ABLIM2: variants seen among roughly 807,000 people sequenced by gnomAD.
ABLIM2 encodes actin binding LIM protein family member 2, also known as actin-binding LIM protein 2.
A neutral mutation model predicts 97.7 loss-of-function variants in ABLIM2; 53 were observed. The observed-to-expected ratio is 0.54, with a 90% CI of 0.44 to 0.68. The LOEUF (loss-of-function observed/expected upper bound fraction) is 0.68, where lower values mean the gene tolerates loss of function less well. Ranked by LOEUF, ABLIM2 falls within the 30% of genes least tolerant of loss-of-function variation. The pLI is 0.00. For synonymous variants in ABLIM2, 361 were observed against 345.8 expected (o/e 1.04, Z -0.49); for missense variants, 835 against 867.2 (o/e 0.96, Z 0.47).
intron 1 of ABLIM2, among the ~76,000 whole-genome samples, chr4:8,154,393 T>C (rs571194925): frequency 6.6e-6 from 1 of 150,638 alleles, no homozygotes; most frequent in African/African-American, 2.5e-5. Flanking sequence ...GCGATTCTCC[T>C]GCCTCAGCCT....
Position 8,002,698 on chromosome 4 carries a change from G to A in ABLIM2, c.1618+5361C>T, listed in dbSNP as rs1758040642. On this transcript the variant is annotated intron_variant, in intron 16 of 20. Coordinates refer to ENST00000447017, the MANE Select transcript of ABLIM2 (RefSeq NM_001130083.2). This position sits in a 1 kb window ranked among gnomAD's most constrained non-coding sequence, Gnocchi z 6.1. ...CTCCAGACCTGTCTACAGGCTGTCT[G>A]TGCTGCTTAAATCCTGAGTCAGGCC... Among the ~76,000 whole-genome samples, 1 of 152,146 alleles carries A rather than the reference G, an allele frequency of 6.6e-6. No homozygotes were observed. Among genetic ancestry groups the A allele is most frequent in the Non-Finnish European group, 1.5e-5 (1 of 68,030 alleles).
intron 8 of ABLIM2, among the ~76,000 whole-genome samples, chr4:8,051,003 TA>T (rs1290680399): frequency 3.3e-5 from 5 of 152,226 alleles, no homozygotes; most frequent in African/African-American, 1.2e-4. Flanking sequence ...ATCCGGTGGT[TA>T]AGTGACCCCT....
intron 1 of ABLIM2, among the ~76,000 whole-genome samples, chr4:8,114,559 G>A (rs977174782): frequency 3.9e-5 from 6 of 152,082 alleles, no homozygotes; most frequent in Non-Finnish European, 5.9e-5. Flanking sequence ...GATCACAGGC[G>A]GGCACTTCCT....
At chr4:8,048,558 A>G (rs1794040950) in intron 8 of ABLIM2, among the ~76,000 whole-genome samples, 1 of 152,190 alleles carries the variant, frequency 6.6e-6, no homozygotes, top group Non-Finnish European at 1.5e-5. Context: ...GCAGAACTCC[A>G]ATGCCAAGCC....
intron 10 of ABLIM2, among the ~76,000 whole-genome samples, chr4:8,035,346 C>A (rs1195440688): frequency 2.0e-5 from 3 of 152,144 alleles, no homozygotes; most frequent in Non-Finnish European, 2.9e-5. Flanking sequence ...AACGCGCTGC[C>A]CTGGAGTCTC....
At chr4:8,038,156 C>G (rs145481252) in intron 9 of ABLIM2, among the ~76,000 whole-genome samples, 2 of 152,120 alleles carry the variant, frequency 1.3e-5, no homozygotes, top group East Asian at 1.9e-4. Context: ...ATCATCTGCT[C>G]GCAAAACACA....
At chr4:7,994,043 C>T in intron 16 of ABLIM2, 1 of 449,852 alleles carries the variant, frequency 2.2e-6, no homozygotes, top group East Asian at 7.2e-5. Flanking sequence ...AGCCTGGACC[C>T]TGGAGGGGCA....
In ABLIM2 at chr4:8,019,843, C is replaced by T. The variant is rs896563519; in HGVS notation, c.1370-172G>A. 8.5e-5 allele frequency among the ~76,000 whole-genome samples: 13 copies of T among 152,276 alleles called. No homozygotes were observed. Among genetic ancestry groups the T allele is most frequent in the African/African-American group, 3.1e-4 (13 of 41,550 alleles). On this transcript the variant is annotated intron_variant, in intron 13 of 20. Coordinates refer to ENST00000447017, the MANE Select transcript of ABLIM2 (RefSeq NM_001130083.2). The surrounding 1 kb of genome is among the most constrained non-coding windows in gnomAD (Gnocchi z 4.3). ...ACACCCAGGCCCCAGATCAAGCCTCCCTGACTCCAGATGCCACCCTCATCT... is the reference window on the plus strand; with the variant it reads ...ACACCCAGGCCCCAGATCAAGCCTCTCTGACTCCAGATGCCACCCTCATCT...
At chr4:8,040,610 CAAAA>C (rs58125904) in intron 9 of ABLIM2, among the ~76,000 whole-genome samples, 1 of 132,406 alleles carries the variant, frequency 7.6e-6, no homozygotes, top group African/African-American at 2.9e-5. Context: ...GACTCCATTT[CAAAA>C]AAAAAAAAAA....
At chr4:7,984,074 A>G (rs1214104640) in intron 18 of ABLIM2, among the ~76,000 whole-genome samples, 1 of 152,216 alleles carries the variant, frequency 6.6e-6, no homozygotes, top group Non-Finnish European at 1.5e-5. Context: ...TATCACGAAA[A>G]TGAAATAGTG....
chr4:8,081,167 T>G (rs1193668233), intron 4 of ABLIM2, among the ~76,000 whole-genome samples: 1 of 151,014 alleles, frequency 6.6e-6, no homozygotes, highest in Non-Finnish European at 1.5e-5. Flanking sequence ...CAAAGGGAAA[T>G]GGACCATATT....
In ABLIM2 at chr4:8,120,199, C is replaced by A. The variant is rs550863289; in HGVS notation, c.11-13562G>T. ...TCCCAGAAGAGGACGTGGCAGGAAG[C>A]AAGAGCGGTGCCAGCGGGGAGCTCG... On this transcript the variant is annotated intron_variant, in intron 1 of 20. Transcript: ENST00000447017. This position sits in a 1 kb window ranked among gnomAD's most constrained non-coding sequence, Gnocchi z 5.6. Among the ~76,000 whole-genome samples the A allele has an allele frequency of 1.3e-5, 2 of 152,260 alleles. No individual in the cohort carries two copies. The highest frequency in any genetic ancestry group is 3.9e-4 in the East Asian group (2 of 5,166).
intron 9 of ABLIM2, among the ~76,000 whole-genome samples, chr4:8,038,902 G>C (rs2151528048): frequency 6.6e-6 from 1 of 152,300 alleles, no homozygotes; most frequent in Non-Finnish European, 1.5e-5. Flanking sequence ...TCAGCTCCCA[G>C]TCACTCACAG....
chr4:8,149,105 C>T lies in ABLIM2; in HGVS notation c.10+9575G>A, dbSNP rs925867764. On this transcript the variant is annotated intron_variant, in intron 1 of 20. Coordinates refer to ENST00000447017, the MANE Select transcript of ABLIM2 (RefSeq NM_001130083.2). This position sits in a 1 kb window ranked among gnomAD's most constrained non-coding sequence, Gnocchi z 6.4. ...TGGAGGCTCCGGGGGAGATCCACTT[C>T]CGTGCCTCTTCCAGCTTCTAGGGGC... is the stretch of plus-strand genomic sequence containing the variant. Among the ~76,000 whole-genome samples the T allele has an allele frequency of 9.9e-5, 15 of 152,276 alleles. No homozygotes were observed. The highest frequency in any genetic ancestry group is 3.4e-4 in the African/African-American group (14 of 41,562).
At position 8,097,220 on chromosome 4, in the gene ABLIM2, G is replaced by C; in HGVS notation, c.217C>G (p.Leu73Val). ...GTGCCGTAGAGCCTCTGGTAGTCCA[G>C]CGTGCAGATGTACTCGCCCTGCCGC... Reference protein sequence around the residue: ...FVRQGEYICTLDYQRLYGTRC... With the variant: ...FVRQGEYICTVDYQRLYGTRC... Residue 73 changes from leucine to valine, a missense_variant, in exon 3 of 21, where the codon CTG becomes GTG. Physicochemically the swap from Leu to Val is conservative, Grantham distance 32. Transcript: ENST00000447017. 1 of 1,583,888 alleles carries C rather than the reference G, an allele frequency of 6.3e-7. No individual in the cohort carries two copies. Among genetic ancestry groups the C allele is most frequent in the Non-Finnish European group, 8.6e-7 (1 of 1,165,996 alleles).
rs565393095 is a variant in ABLIM2, at chr4:7,968,056, C to A, written c.1825-953G>T. On this transcript the variant is annotated intron_variant, in intron 20 of 20. Coordinates refer to ENST00000447017, the MANE Select transcript of ABLIM2 (RefSeq NM_001130083.2). The stretch of plus-strand genomic sequence containing the variant: ...CATCCCTCAGAGCTGGCTCAGGCGT[C>A]CCCTCCCCTAAGGAGCTTTTCTAGG... Among the ~76,000 whole-genome samples, 91 of 152,366 alleles carry A rather than the reference C, an allele frequency of 6.0e-4. No homozygotes were observed. In the Middle Eastern group the frequency reaches 0.01, roughly 17 times the overall value.
At chr4:8,153,230 C>G (rs1319441848) in intron 1 of ABLIM2, among the ~76,000 whole-genome samples, 1 of 152,210 alleles carries the variant, frequency 6.6e-6, no homozygotes, top group African/African-American at 2.4e-5. Flanking sequence ...GGCCAGGCAG[C>G]TTTTCCATGA....
intron 8 of ABLIM2, among the ~76,000 whole-genome samples, chr4:8,048,844 C>T (rs1794234393): frequency 6.6e-6 from 1 of 152,192 alleles, no homozygotes; most frequent in South Asian, 2.1e-4. Context: ...AGCCCCTGGC[C>T]AGAGCAGGGA....
At chr4:8,052,268 C>A (rs995031935) in intron 8 of ABLIM2, among the ~76,000 whole-genome samples, 2 of 152,136 alleles carry the variant, frequency 1.3e-5, no homozygotes, top group Non-Finnish European at 2.9e-5. Flanking sequence ...CTTCCACAGG[C>A]CTTTGGTGGG....
Sources: allele counts gnomAD v4.1 joint callset (sites outside exome capture counted in the v4.1 genomes callset), GRCh38; gene constraint gnomAD v4.1.1; non-coding constraint Gnocchi (gnomAD v3.1); transcripts MANE v1.5; gene names NCBI Gene and HGNC (gene_info 2026-07-23, HGNC 2026-07-21).